Variants in ADAMTS16 observed in about 807,000 individuals in gnomAD.
ADAMTS16 encodes the protein A disintegrin and metalloproteinase with thrombospondin motifs 16.
In ADAMTS16, 94 loss-of-function variants were observed where a neutral mutation model predicts 145.8. That is an observed-to-expected ratio of 0.64 (90% CI 0.55 to 0.77). The LOEUF (loss-of-function observed/expected upper bound fraction) is 0.77, where lower values mean the gene tolerates loss of function less well. Ranked by LOEUF, ADAMTS16 falls within the 30% of genes least tolerant of loss-of-function variation. The pLI is 0.00. For missense variants in ADAMTS16, 1,585 were observed against 1,591.5 expected, an observed-to-expected ratio of 1.00 and a Z score of 0.07; for synonymous variants, 659 against 604.3, an observed-to-expected ratio of 1.09 and a Z score of -1.33.
intron 3 of ADAMTS16, among the ~76,000 whole-genome samples, chr5:5,175,111 G>A (rs932875248): frequency 2.0e-5 from 3 of 152,264 alleles, no homozygotes; most frequent in South Asian, 2.1e-4. Context: ...AATGTGCTAC[G>A]TCACACATGA....
At chr5:5,306,769 G>T (rs1228764639) in intron 21 of ADAMTS16, 41 bp downstream of exon 21, 2 of 1,533,280 alleles carry the variant, frequency 1.3e-6, no homozygotes, top group African/African-American at 1.4e-5. Flanking sequence ...GGCGAGCACA[G>T]CTTGGCCTGG....
chr5:5,173,512 C>A (rs58974884), intron 3 of ADAMTS16, among the ~76,000 whole-genome samples: 1,837 of 151,634 alleles, frequency 0.012, 37 homozygotes, highest in African/African-American at 0.042. Context: ...CTCACTCTGT[C>A]CCCCAGGCTC....
chr5:5,259,962 T>C (rs527456913), intron 17 of ADAMTS16, among the ~76,000 whole-genome samples: 50 of 152,304 alleles, frequency 3.3e-4, no homozygotes, highest in Middle Eastern at 3.4e-3. Flanking sequence ...GGGGGGACTT[T>C]GGACACTCAA....
chr5:5,299,360 G>A (rs1325674931), intron 18 of ADAMTS16, among the ~76,000 whole-genome samples: 1 of 149,814 alleles, frequency 6.7e-6, no homozygotes, highest in African/African-American at 2.4e-5. Flanking sequence ...CAGCAGCTCG[G>A]GCCCAGACCA....
intron 18 of ADAMTS16, among the ~76,000 whole-genome samples, chr5:5,294,598 G>A (rs1739455083): frequency 6.6e-6 from 1 of 152,224 alleles, no homozygotes; most frequent in African/African-American, 2.4e-5. Context: ...TGCTTTCACA[G>A]AAATGTCTAG....
chr5:5,214,272 A>G (rs1005786978), intron 10 of ADAMTS16, among the ~76,000 whole-genome samples: 9 of 152,202 alleles, frequency 5.9e-5, no homozygotes, highest in Admixed American at 2.6e-4. Context: ...TTCATAGTGG[A>G]CGGTGGGAGA....
At chr5:5,301,233 A>AT (rs908491114) in intron 18 of ADAMTS16, among the ~76,000 whole-genome samples, 32 of 151,760 alleles carry the variant, frequency 2.1e-4, no homozygotes, top group African/African-American at 7.3e-4. Flanking sequence ...TAATTTTTGT[A>AT]TTTTTTGTGT....
chr5:5,177,102 T>C (rs186085689), intron 3 of ADAMTS16, among the ~76,000 whole-genome samples: 1 of 152,332 alleles, frequency 6.6e-6, no homozygotes, highest in Admixed American at 6.5e-5. Flanking sequence ...CAGGTATTTA[T>C]GTTTTACAAA....
intron 3 of ADAMTS16, among the ~76,000 whole-genome samples, chr5:5,170,902 G>T (rs1735026335): frequency 6.6e-6 from 1 of 152,136 alleles, no homozygotes; most frequent in Non-Finnish European, 1.5e-5. Context: ...TTGGTTGCCT[G>T]TACTTATGAG....
intron 21 of ADAMTS16, among the ~76,000 whole-genome samples, chr5:5,307,959 C>G (rs193004416): frequency 6.6e-6 from 1 of 152,162 alleles, no homozygotes; most frequent in Non-Finnish European, 1.5e-5. Flanking sequence ...AACAAAGACC[C>G]GGTCGAAGCC....
At chr5:5,148,020 C>T (rs1355177806) in intron 3 of ADAMTS16, among the ~76,000 whole-genome samples, 1 of 152,020 alleles carries the variant, frequency 6.6e-6, no homozygotes, top group East Asian at 1.9e-4. Context: ...TGAGCTTGAT[C>T]AGAGTTAACA....
At chr5:5,252,220 A>G in intron 17 of ADAMTS16, among the ~76,000 whole-genome samples, 1 of 152,168 alleles carries the variant, frequency 6.6e-6, no homozygotes, top group East Asian at 1.9e-4. Context: ...TGTTTTCACC[A>G]GGGGACTTCT....
intron 10 of ADAMTS16, among the ~76,000 whole-genome samples, chr5:5,222,213 G>A (rs1263600175): frequency 6.6e-6 from 1 of 152,166 alleles, no homozygotes; most frequent in African/African-American, 2.4e-5. Context: ...TGAAGACCAA[G>A]AGGCAAAGAA....
At chr5:5,318,422 A>G in intron 22 of ADAMTS16, 141 bp downstream of exon 22, 1 of 917,458 alleles carries the variant, frequency 1.1e-6, no homozygotes. Flanking sequence ...CAGTTTTACA[A>G]TGAAATGGTC....
chr5:5,272,717 C>T (rs981557013), intron 18 of ADAMTS16, among the ~76,000 whole-genome samples: 4 of 152,128 alleles, frequency 2.6e-5, no homozygotes, highest in Admixed American at 6.6e-5. Flanking sequence ...CTGGGGCCCA[C>T]GAACGGCACA....
chr5:5,278,552 T>C (rs1453279684), intron 18 of ADAMTS16, among the ~76,000 whole-genome samples: 1 of 152,264 alleles, frequency 6.6e-6, no homozygotes, highest in Non-Finnish European at 1.5e-5. Flanking sequence ...AAGCTAATGA[T>C]TGCCTGACTT....
intron 21 of ADAMTS16, among the ~76,000 whole-genome samples, chr5:5,307,226 G>A (rs62340886): frequency 0.26 from 39,025 of 152,016 alleles, 5,246 homozygotes; most frequent in Middle Eastern, 0.35. Context: ...CCACCCCTGC[G>A]ATGCTGCTGG....
rs1437161411 is a variant in ADAMTS16 at position 5,303,582 on chromosome 5, C to T, written c.3002C>T (p.Thr1001Ile). ...SAGPWAECSH[T>I]CGKGWRKRAV... is the part of the protein sequence containing the mutation. ...GACTGTTCTGTGCAGTGCTCACACA[C>T]CTGTGGGAAGGGGTGGAGGAAGCGG... The change falls in exon 20 of 23, where the codon ACC becomes ATC. Residue 1001 changes from threonine to isoleucine, a missense_variant. Around this residue, in one of 3 missense-constraint regions of ADAMTS16, gnomAD observed 834 missense variants for 811.7 expected, o/e 1.03. Coordinates refer to ENST00000274181, the MANE Select transcript of ADAMTS16 (RefSeq NM_139056.4). 6.8e-6 allele frequency: 11 copies of T among 1,614,122 alleles called. No individual in the cohort carries two copies. The highest frequency in any genetic ancestry group is 2.2e-5 in the East Asian group (1 of 44,874).
At chr5:5,302,162 C>T (rs898779634) in intron 18 of ADAMTS16, among the ~76,000 whole-genome samples, 3 of 152,170 alleles carry the variant, frequency 2.0e-5, no homozygotes, top group African/African-American at 7.2e-5. Context: ...GCAAAACCAG[C>T]TGAGGCTTGG....
Sources: gnomAD v4.1 joint callset for allele counts (sites outside exome capture counted in the v4.1 genomes callset) on GRCh38, gnomAD v4.1.1 for gene constraint, gnomAD v4.1.1 regional missense constraint, MANE v1.5 for transcripts, NCBI Gene and HGNC (gene_info 2026-07-23, HGNC 2026-07-21) for gene names.